Variants in WNT16 observed in about 807,000 individuals in gnomAD.
WNT16 encodes the protein Wnt family member 16, also known as protein Wnt-16.
WNT16 carries 20 observed loss-of-function variants against 35.4 expected under a neutral mutation model. That is an observed-to-expected ratio of 0.56 (90% CI 0.40 to 0.82). The LOEUF (loss-of-function observed/expected upper bound fraction) is 0.82. WNT16 is among the 40% of genes least tolerant of loss of function. The pLI is 0.00. For missense variants in WNT16, 461 were observed against 466.0 expected, an observed-to-expected ratio of 0.99 and a Z score of 0.10; for synonymous variants, 180 against 179.2, an observed-to-expected ratio of 1.00 and a Z score of -0.03.
intron 3 of WNT16, 26 bp from the exon 4 acceptor site, chr7:121,338,855 T>A (rs1793480376): frequency 6.3e-7 from 1 of 1,592,208 alleles, no homozygotes; most frequent in East Asian, 2.2e-5. Flanking sequence ...TGATTGATAG[T>A]TGAACACAAT....
At chr7:121,329,500 C>A in intron 1 of WNT16, 67 bp from the exon 2 acceptor site, 1 of 1,600,150 alleles carries the variant, frequency 6.2e-7, no homozygotes, top group Non-Finnish European at 8.5e-7. Flanking sequence ...AGACGAGTGA[C>A]CTAATTTTTC....
chr7:121,331,718 A>G lies in WNT16; in HGVS notation c.387A>G (p.Ala129=). The change falls in exon 3 of 4, where the codon GCA becomes GCG. Residue 129 remains alanine, a synonymous_variant. Transcript: ENST00000222462. ...ETAFIYAVMA[A]GLVHSVTRSC... ...CATTTATTTATGCTGTGATGGCTGC[A>G]GGCCTGGTGCATTCTGTGACCAGGT... is the stretch of plus-strand genomic sequence containing the variant. The G allele has an allele frequency of 6.2e-7, 1 of 1,614,018 alleles. No homozygotes were observed. The highest frequency in any genetic ancestry group is 8.5e-7 in the Non-Finnish European group (1 of 1,179,876).
chr7:121,326,779 A>G (rs1275423881), upstream of WNT16, among the ~76,000 whole-genome samples: 1 of 152,212 alleles, frequency 6.6e-6, no homozygotes, highest in African/African-American at 2.4e-5. Context: ...GACTCAATAT[A>G]TGTTTTTGAT....
Position 121,339,945 on chromosome 7 carries a change from T to C in WNT16, c.*600T>C, listed in dbSNP as rs1365016883. ...TCAAAAAGAATCTTCTTAAGTGATATAATATCCCTAAAAAAATGATCATTA... is the reference window on the plus strand; with the variant it reads ...TCAAAAAGAATCTTCTTAAGTGATACAATATCCCTAAAAAAATGATCATTA... On this transcript the variant is annotated 3_prime_UTR_variant, in exon 4 of 4. Transcript: ENST00000222462. The C allele has an allele frequency of 6.5e-6, 1 of 153,056 alleles. No individual in the cohort carries two copies. Among genetic ancestry groups the C allele is most frequent in the African/African-American group, 2.4e-5 (1 of 41,486 alleles). 9.5% of individuals were successfully genotyped at this position (153,056 alleles called of 1,614,324 possible).
rs529179351 is a variant in WNT16, at chr7:121,335,582, T to A, written c.634-3299T>A. ...CACAGCACTCATTCCTTTGCTATTC[T>A]CTTATGTTCCTGTTAACAGAAAATT... On this transcript the variant is annotated intron_variant, in intron 3 of 3. Coordinates refer to ENST00000222462, the MANE Select transcript of WNT16 (RefSeq NM_057168.2). Among the ~76,000 whole-genome samples, 6 of 152,242 alleles carry A rather than the reference T, an allele frequency of 3.9e-5. No individual in the cohort carries two copies. The South Asian group carries it at 1.2e-3, about 32-fold the overall frequency.
In WNT16 at chr7:121,340,012, T is replaced by C. The variant is rs1263070045; in HGVS notation, c.*667T>C. On this transcript the variant is annotated 3_prime_UTR_variant, in exon 4 of 4. Transcript: ENST00000222462. ...AAGAATCAATATGTAAAAAGTATAA[T>C]GAATGATTTAGATTTTAAGTGCCTT... is the stretch of plus-strand genomic sequence containing the variant. 1 of 152,238 alleles carries C rather than the reference T, an allele frequency of 6.6e-6. No homozygotes were observed. The highest frequency in any genetic ancestry group is 1.5e-5 in the Non-Finnish European group (1 of 68,054). The allele number at this position is 152,238 out of a possible 1,614,324, so 9.4% of individuals were successfully genotyped here.
At chr7:121,326,484 C>G (rs1406401797), upstream of WNT16, among the ~76,000 whole-genome samples, 2 of 152,156 alleles carry the variant, frequency 1.3e-5, no homozygotes, top group African/African-American at 4.8e-5. Flanking sequence ...CTCTGACTCT[C>G]AGGACAGAAT....
chr7:121,328,948 A>AG (rs1390688201), upstream of WNT16: 15 of 888,450 alleles, frequency 1.7e-5, no homozygotes, highest in Non-Finnish European at 2.1e-5. Context: ...AGGCGCGGCC[A>AG]GGGGGAGGAG....
rs765008027 is a variant in WNT16 at position 121,329,486 on chromosome 7, C to G, written c.96-81C>G. On this transcript the variant is annotated intron_variant, in intron 1 of 3. Coordinates refer to ENST00000222462, the MANE Select transcript of WNT16 (RefSeq NM_057168.2). ...GAGGCTGGGGGAGAAGGGCGGGGAC[C>G]CTTAGACGAGTGACCTAATTTTTCG... 1,164 of 1,596,746 alleles carry G rather than the reference C, an allele frequency of 7.3e-4. 1 individual carries two copies. The highest frequency in any genetic ancestry group is 9.1e-4 in the Non-Finnish European group (1,068 of 1,169,268).
chr7:121,327,412 G>A (rs1056342243), upstream of WNT16, among the ~76,000 whole-genome samples: 22 of 147,062 alleles, frequency 1.5e-4, no homozygotes, highest in Non-Finnish European at 2.8e-4. Context: ...GTGCAGTGGC[G>A]CTATCTCAAC....
Position 121,330,723 on chromosome 7 carries a change from A to G in WNT16, c.346+906A>G, listed in dbSNP as rs965501935. On this transcript the variant is annotated intron_variant, in intron 2 of 3. Coordinates refer to ENST00000222462, the MANE Select transcript of WNT16 (RefSeq NM_057168.2). ...CTGGTCCCCGTAGAGAGAAAAAAAA[A>G]AAAAAAAAAAAAAGAGACAGAAAGA... 2.3e-3 allele frequency among the ~76,000 whole-genome samples: 354 copies of G among 151,200 alleles called. 3 individuals carry two copies. The highest frequency in any genetic ancestry group is 0.02 in the East Asian group (104 of 5,134).
intron 3 of WNT16, among the ~76,000 whole-genome samples, chr7:121,335,988 G>GTA (rs1437635197): frequency 5.5e-5 from 1 of 18,096 alleles, no homozygotes; most frequent in Admixed American, 4.0e-4. Context: ...ATTAAACTTT[G>GTA]TGTGTGTGTG....
At chr7:121,331,583 T>C in intron 2 of WNT16, 95 bp from the exon 3 acceptor site, 2 of 1,178,046 alleles carry the variant, frequency 1.7e-6, no homozygotes, top group Non-Finnish European at 2.4e-6. Context: ...AACTGAAAAA[T>C]TACTTGTCCA....
chr7:121,329,945 T>G lies in WNT16; in HGVS notation c.346+128T>G. 1.4e-5 allele frequency: 20 copies of G among 1,385,508 alleles called. 2 individuals carry two copies. The South Asian group carries it at 2.5e-4, about 17-fold the overall frequency. 85.8% of individuals were successfully genotyped at this position (1,385,508 alleles called of 1,614,324 possible). On this transcript the variant is annotated intron_variant, in intron 2 of 3. Coordinates refer to ENST00000222462, the MANE Select transcript of WNT16 (RefSeq NM_057168.2). ...CTAAGTTCCAGAAGAAGCCCTTTAG[T>G]GCACGGGGATTGAGAGCTACAAAGG...
intron 3 of WNT16, among the ~76,000 whole-genome samples, chr7:121,338,349 TTCTC>T (rs1266384308): frequency 1.3e-5 from 2 of 152,210 alleles, no homozygotes; most frequent in Non-Finnish European, 2.9e-5. Context: ...TAAGGGTAAC[TTCTC>T]TCTCAGTGCT....
rs778866404 is a variant in WNT16 at position 121,331,670 on chromosome 7, T to C, written c.347-8T>C. ...GTTCTCTAATTTAGCAATTTATATT[T>C]TTTCTAGGCACCAAAGAGACAGCAT... On this transcript the variant is annotated splice_region_variant and splice_polypyrimidine_tract_variant and intron_variant, in intron 2 of 3. Transcript: ENST00000222462. The C allele has an allele frequency of 1.3e-4, 202 of 1,597,316 alleles. No individual in the cohort carries two copies. Among genetic ancestry groups the C allele is most frequent in the Non-Finnish European group, 1.6e-4 (191 of 1,166,374 alleles).
At chr7:121,327,787 T>C (rs920588944), upstream of WNT16, among the ~76,000 whole-genome samples, 1 of 152,224 alleles carries the variant, frequency 6.6e-6, no homozygotes, top group African/African-American at 2.4e-5. Flanking sequence ...TCTAATTAGG[T>C]GAGGCAGGCT....
At chr7:121,334,418 C>T (rs1162702550) in intron 3 of WNT16, among the ~76,000 whole-genome samples, 3 of 151,746 alleles carry the variant, frequency 2.0e-5, no homozygotes, top group Non-Finnish European at 2.9e-5. Flanking sequence ...AAAACAAAAC[C>T]AACAACACCA....
At chr7:121,333,009 C>T (rs575728675) in intron 3 of WNT16, among the ~76,000 whole-genome samples, 111 of 152,052 alleles carry the variant, frequency 7.3e-4, no homozygotes, top group African/African-American at 2.5e-3. Context: ...TTCATAGTGA[C>T]TTTTCTAAAA....
Sources: gnomAD v4.1 joint callset for allele counts (sites outside exome capture counted in the v4.1 genomes callset) on GRCh38, gnomAD v4.1.1 for gene constraint, MANE v1.5 for transcripts, NCBI Gene and HGNC (gene_info 2026-07-23, HGNC 2026-07-21) for gene names.